Variants in ARHGEF37 observed in about 807,000 individuals in gnomAD.
The protein encoded by ARHGEF37 is Rho guanine nucleotide exchange factor (GEF) 37.
In ARHGEF37, 55 loss-of-function variants were observed where a neutral mutation model predicts 71.1. The ratio of observed to expected loss-of-function variants is 0.77; its 90% CI spans 0.62 to 0.97. ARHGEF37 has a LOEUF of 0.97. Among genes scored for constraint, ARHGEF37 ranks in the 50% least tolerant of loss-of-function variants. The pLI is 0.00. For missense variants in ARHGEF37, 765 were observed against 836.8 expected, an observed-to-expected ratio of 0.91 and a Z score of 1.06; for synonymous variants, 327 against 350.6, an observed-to-expected ratio of 0.93 and a Z score of 0.75.
At position 149,618,226 on chromosome 5, in the gene ARHGEF37, C is replaced by G. The variant is rs752514789; in HGVS notation, c.709C>G (p.Arg237Gly). The change falls in exon 6 of 13, where the codon CGC (arginine) becomes GGC (glycine). Residue 237 changes from arginine to glycine, a missense_variant. By Grantham distance (125) the Arg-to-Gly change is moderately radical (BLOSUM62 -2). Around this residue, in one of 5 missense-constraint regions of ARHGEF37, gnomAD observed 167 missense variants for 173.3 expected, o/e 0.96. Transcript: ENST00000333677. ...EQLTLRERLA[R>G]INTHTLSKKT... Reference sequence around the variant, plus strand: ...GCTGACCCTCCGGGAGCGGCTGGCCCGCATCAACACACACACCCTCTCCAA... The same window carrying G: ...GCTGACCCTCCGGGAGCGGCTGGCCGGCATCAACACACACACCCTCTCCAA... The G allele has an allele frequency of 4.3e-6, 7 of 1,614,206 alleles. No homozygotes were observed. Among genetic ancestry groups the G allele is most frequent in the Admixed American group, 1.7e-5 (1 of 60,036 alleles).
chr5:149,627,299 C>G, intron 11 of ARHGEF37, 28 bp downstream of exon 11: 1 of 1,602,902 alleles, frequency 6.2e-7, no homozygotes, highest in Non-Finnish European at 8.5e-7. Flanking sequence ...AGCCCTTCTT[C>G]TCCTTCGGGG....
intron 3 of ARHGEF37, chr5:149,606,645 G>A (rs963577742): frequency 6.6e-6 from 1 of 152,202 alleles, no homozygotes; most frequent in Non-Finnish European, 1.5e-5. Flanking sequence ...TTGAAAGTAT[G>A]GAACGCTTCG....
intron 1 of ARHGEF37, among the ~76,000 whole-genome samples, chr5:149,594,569 A>G (rs778645291): frequency 2.0e-5 from 3 of 152,240 alleles, no homozygotes; most frequent in Non-Finnish European, 4.4e-5. Flanking sequence ...ATACTAATAC[A>G]TCCATAAGAA....
At chr5:149,562,323 T>A (rs1762842986) in intron 1 of ARHGEF37, among the ~76,000 whole-genome samples, 1 of 152,258 alleles carries the variant, frequency 6.6e-6, no homozygotes, top group Non-Finnish European at 1.5e-5. Context: ...ATTTTGTGAT[T>A]CACTGACTTG....
intron 1 of ARHGEF37, among the ~76,000 whole-genome samples, chr5:149,564,194 C>T (rs1024960203): frequency 8.5e-5 from 13 of 152,054 alleles, no homozygotes; most frequent in Admixed American, 8.5e-4. Context: ...TGTCCTCAAG[C>T]AATCCATCTG....
intron 4 of ARHGEF37, among the ~76,000 whole-genome samples, chr5:149,612,849 G>T (rs1464503064): frequency 6.6e-6 from 1 of 152,204 alleles, no homozygotes; most frequent in Admixed American, 6.5e-5. Flanking sequence ...ATGGCACCAG[G>T]TTATTAGATT....
At chr5:149,620,253 G>C in intron 7 of ARHGEF37, 101 bp from the exon 8 acceptor site, 1 of 761,534 alleles carries the variant, frequency 1.3e-6, no homozygotes, top group Non-Finnish European at 2.2e-6. Context: ...GGGGTGTGTA[G>C]AGAGCCTGGA....
chr5:149,572,671 T>C (rs2168774), intron 1 of ARHGEF37, among the ~76,000 whole-genome samples: 42,970 of 151,994 alleles, frequency 0.28, 6,613 homozygotes, highest in African/African-American at 0.39. Context: ...TTTACATCAG[T>C]AGACTTTGAG....
At chr5:149,570,679 C>T (rs1197129582) in intron 1 of ARHGEF37, among the ~76,000 whole-genome samples, 1 of 151,614 alleles carries the variant, frequency 6.6e-6, no homozygotes, top group Non-Finnish European at 1.5e-5. Context: ...AGTTCAAGAC[C>T]ACCCTGGCCA....
chr5:149,598,590 C>G (rs1025786961), intron 2 of ARHGEF37, among the ~76,000 whole-genome samples: 1 of 151,442 alleles, frequency 6.6e-6, no homozygotes, highest in Non-Finnish European at 1.5e-5. Flanking sequence ...TGGCTTCCAA[C>G]AAGGAAATGC....
chr5:149,597,919 G>C lies in ARHGEF37; in HGVS notation c.150G>C (p.Gln50His). ...AGGTCTCCTACTTGCACATGCTCCAGCTCTGTGCCTCTGACATCAGGAGCC... is the reference window on the plus strand; with the variant it reads ...AGGTCTCCTACTTGCACATGCTCCACCTCTGTGCCTCTGACATCAGGAGCC... ...DTEVSYLHML[Q>H]LCASDIRSRL... Residue 50 changes from glutamine to histidine, a missense_variant, in exon 2 of 13, where the codon CAG becomes CAC. This residue lies in a region of ARHGEF37 where 201 missense variants were observed against 217.5 expected (regional missense o/e 0.92). Transcript: ENST00000333677. 4 of 1,603,886 alleles carry C rather than the reference G, an allele frequency of 2.5e-6. No individual in the cohort carries two copies. Among genetic ancestry groups the C allele is most frequent in the Non-Finnish European group, 8.5e-7 (1 of 1,175,596 alleles).
At chr5:149,604,654 TTC>T (rs1763857934) in intron 3 of ARHGEF37, among the ~76,000 whole-genome samples, 2 of 151,352 alleles carry the variant, frequency 1.3e-5, no homozygotes, top group African/African-American at 4.9e-5. Context: ...GAGAGCCCTT[TTC>T]CCAGTAAGGC....
intron 1 of ARHGEF37, among the ~76,000 whole-genome samples, chr5:149,555,381 A>G (rs1580876702): frequency 6.6e-6 from 1 of 151,880 alleles, no homozygotes; most frequent in East Asian, 1.9e-4. Flanking sequence ...ATAGCTCACT[A>G]TAGTCTAGAC....
Position 149,618,213 on chromosome 5 carries a change from G to C in ARHGEF37, c.696G>C (p.Arg232=). 6.2e-7 allele frequency: 1 copy of C among 1,614,174 alleles called. No individual in the cohort carries two copies. Among genetic ancestry groups the C allele is most frequent in the Non-Finnish European group, 8.5e-7 (1 of 1,180,012 alleles). ...CCAAGGTAGAGCAGCTGACCCTCCG[G>C]GAGCGGCTGGCCCGCATCAACACAC... ...KYTKVEQLTL[R]ERLARINTHT... The change falls in exon 6 of 13, where the codon CGG becomes CGC. Residue 232 remains arginine (R), a synonymous_variant. Coordinates refer to ENST00000333677, the MANE Select transcript of ARHGEF37 (RefSeq NM_001001669.3).
chr5:149,608,583 G>C (rs995106337), intron 3 of ARHGEF37, among the ~76,000 whole-genome samples: 8 of 152,052 alleles, frequency 5.3e-5, no homozygotes, highest in Admixed American at 5.2e-4. Context: ...ATGTTAGCCA[G>C]GCTGGTCTGG....
intron 10 of ARHGEF37, among the ~76,000 whole-genome samples, chr5:149,626,347 G>A (rs902350619): frequency 6.6e-6 from 1 of 151,522 alleles, no homozygotes; most frequent in Non-Finnish European, 1.5e-5. Flanking sequence ...TATTGATTTT[G>A]CAAAAAGAGG....
chr5:149,632,342 G>A lies in ARHGEF37; in HGVS notation c.*151G>A. The A allele has an allele frequency of 2.4e-6, 2 of 838,868 alleles. No individual in the cohort carries two copies. The highest frequency in any genetic ancestry group is 3.6e-6 in the Non-Finnish European group (2 of 548,356). The allele number at this position is 838,868 out of a possible 1,614,324, so 52.0% of individuals were successfully genotyped here. A position where few individuals can be genotyped will look rare whatever the true frequency, so the allele number is the denominator to read the frequency against. On this transcript the variant is annotated 3_prime_UTR_variant, in exon 13 of 13. Coordinates refer to ENST00000333677, the MANE Select transcript of ARHGEF37 (RefSeq NM_001001669.3). ...CACTCAGGAGGCAGCCAGAAGACAT[G>A]GGCGGGCCTCGCAGAGTGCTTGGTG...
upstream of ARHGEF37, among the ~76,000 whole-genome samples, chr5:149,577,730 C>A (rs1763042610): frequency 6.6e-6 from 1 of 152,196 alleles, no homozygotes; most frequent in Admixed American, 6.5e-5. Context: ...AAGATGACTT[C>A]CATGTGGACA....
chr5:149,595,987 T>A (rs547519375), intron 1 of ARHGEF37, among the ~76,000 whole-genome samples: 24 of 138,280 alleles, frequency 1.7e-4, no homozygotes, highest in Non-Finnish European at 3.5e-4. Flanking sequence ...ACAGAAGTCC[T>A]TGTGGCTGGG....
Sources: gnomAD v4.1 joint callset for allele counts (sites outside exome capture counted in the v4.1 genomes callset) on GRCh38, gnomAD v4.1.1 for gene constraint, gnomAD v4.1.1 regional missense constraint, MANE v1.5 for transcripts, NCBI Gene and HGNC (gene_info 2026-07-23, HGNC 2026-07-21) for gene names.